SNRPN: variants seen among roughly 807,000 people sequenced by gnomAD.
SNRPN encodes the protein small nuclear ribonucleoprotein-associated protein N.
SNRPN carries 7 observed loss-of-function variants against 25.2 expected under a neutral mutation model. That is an observed-to-expected ratio of 0.28 (90% CI 0.16 to 0.52). The LOEUF is 0.52. SNRPN is among the 20% of genes least tolerant of loss of function. The pLI is 0.96. For synonymous variants in SNRPN, 124 were observed against 110.6 expected (o/e 1.12, Z -0.76); for missense variants, 196 against 322.5 (o/e 0.61, Z 3.00).
intron 1 of SNRPN, among the ~76,000 whole-genome samples, chr15:24,874,290 A>T (rs543448743): frequency 1.3e-4 from 18 of 136,802 alleles, no homozygotes; most frequent in African/African-American, 5.0e-4. Context: ...AGCCTGGGTG[A>T]CAGAGTGAGA....
intron 2 of SNRPN, among the ~76,000 whole-genome samples, chr15:24,915,450 A>T (rs1031865854): frequency 6.6e-6 from 1 of 152,056 alleles, no homozygotes; most frequent in African/African-American, 2.4e-5. Flanking sequence ...TGATAAACAG[A>T]CTTCCTTGTT....
intron 2 of SNRPN, among the ~76,000 whole-genome samples, chr15:24,892,692 G>A (rs1482632362): frequency 6.6e-6 from 1 of 151,784 alleles, no homozygotes; most frequent in Admixed American, 6.6e-5. Context: ...AGCCAAGATA[G>A]CACCACTGTA....
intron 2 of SNRPN, among the ~76,000 whole-genome samples, chr15:24,918,922 AAT>A (rs201107870): frequency 0.18 from 5,592 of 30,298 alleles, 1,858 homozygotes; most frequent in East Asian, 0.52. Flanking sequence ...TATATAACAT[AAT>A]ATATATATGC....
At chr15:24,837,513 C>T (rs901386751) in intron 2 of SNRPN, among the ~76,000 whole-genome samples, 10 of 150,846 alleles carry the variant, frequency 6.6e-5, no homozygotes, top group Non-Finnish European at 1.3e-4. Context: ...GGACTACAGG[C>T]GCCCACCACC....
At chr15:24,937,551 A>G (rs545324306) in intron 3 of SNRPN, among the ~76,000 whole-genome samples, 2 of 152,256 alleles carry the variant, frequency 1.3e-5, no homozygotes, top group East Asian at 1.9e-4. Flanking sequence ...AAAAAATTTC[A>G]TCTTGACTTG....
At chr15:24,946,221 G>A (rs1383892959) in intron 3 of SNRPN, among the ~76,000 whole-genome samples, 1 of 151,940 alleles carries the variant, frequency 6.6e-6, no homozygotes, top group African/African-American at 2.4e-5. Flanking sequence ...TTTCTTTTCT[G>A]GGCATCAGTT....
intron 2 of SNRPN, among the ~76,000 whole-genome samples, chr15:24,835,722 A>G (rs1566808338): frequency 1.3e-5 from 2 of 152,266 alleles, no homozygotes; most frequent in East Asian, 3.9e-4. Flanking sequence ...AACTTTTTAA[A>G]CGTACCATGG....
chr15:24,946,452 C>A (rs1159715243), intron 3 of SNRPN, among the ~76,000 whole-genome samples: 2 of 151,550 alleles, frequency 1.3e-5, no homozygotes, highest in African/African-American at 2.4e-5. Context: ...GTAACTCACA[C>A]GGTTTTTTTG....
At chr15:24,935,446 G>C (rs1227801843) in intron 3 of SNRPN, among the ~76,000 whole-genome samples, 1 of 152,170 alleles carries the variant, frequency 6.6e-6, no homozygotes, top group Admixed American at 6.5e-5. Context: ...GATTCTGTAA[G>C]TTAGGAGGCA....
intron 3 of SNRPN, among the ~76,000 whole-genome samples, chr15:24,923,591 T>C (rs1166896049): frequency 1.3e-5 from 2 of 152,108 alleles, no homozygotes; most frequent in African/African-American, 4.8e-5. Context: ...GGTAAGTAAA[T>C]GGTGGTATAG....
intron 5 of SNRPN, 31 bp downstream of exon 5, chr15:24,975,540 A>G: frequency 1.9e-6 from 3 of 1,597,952 alleles, no homozygotes; most frequent in Non-Finnish European, 2.6e-6. Flanking sequence ...TGGGGGTTGG[A>G]CACAGAGGCA....
At chr15:24,904,012 C>T (rs1462533780) in intron 2 of SNRPN, among the ~76,000 whole-genome samples, 1 of 148,370 alleles carries the variant, frequency 6.7e-6, no homozygotes, top group African/African-American at 2.5e-5. Context: ...GCATTCCAGC[C>T]TGGGCTACAA....
At chr15:24,955,755 A>G (rs12916854) in intron 1 of SNRPN, among the ~76,000 whole-genome samples, 55,679 of 149,602 alleles carry the variant, frequency 0.37, 10,712 homozygotes, top group East Asian at 0.51. Flanking sequence ...GAAGGCGGCG[A>G]CAGTGGGTAT....
rs924743622 is a variant in SNRPN at position 24,905,441 on chromosome 15, G to A, written c.-504-14570G>A. Among the ~76,000 whole-genome samples, 96 of 151,466 alleles carry A rather than the reference G, an allele frequency of 6.3e-4. 1 individual carries two copies. The highest frequency in any genetic ancestry group is 3.5e-4 in the Non-Finnish European group (24 of 67,914). On this transcript the variant is annotated intron_variant, in intron 2 of 11. Transcript: ENST00000400097. ...GGAGAGTCGCTTGAACCCGGGAGGC[G>A]GAGGTGGCAGTGAGCCGAGATCAAG...
intron 1 of SNRPN, among the ~76,000 whole-genome samples, chr15:24,860,570 A>G (rs1183953760): frequency 1.3e-5 from 2 of 152,316 alleles, no homozygotes; most frequent in Non-Finnish European, 2.9e-5. Context: ...TCGAAAATGC[A>G]TTGAATATAC....
chr15:24,865,038 A>G (rs1480928445), intron 1 of SNRPN, among the ~76,000 whole-genome samples: 1 of 144,706 alleles, frequency 6.9e-6, no homozygotes, highest in Non-Finnish European at 1.5e-5. Flanking sequence ...CTTGGTGTGG[A>G]GACTGAGCTT....
chr15:24,935,393 C>A (rs565823085), intron 3 of SNRPN, among the ~76,000 whole-genome samples: 12 of 152,076 alleles, frequency 7.9e-5, no homozygotes, highest in Non-Finnish European at 1.8e-4. Context: ...TCCTGAGAAG[C>A]TTTCTGAAGG....
chr15:24,931,028 C>T lies in SNRPN; in HGVS notation c.-391+10904C>T, dbSNP rs562173626. On this transcript the variant is annotated intron_variant, in intron 3 of 11. Transcript: ENST00000400097. ...TCACACCACTGCACTCCAGCCTGGG[C>T]GACAGAGTGAGACTCTGTCTCAAAA... is the stretch of plus-strand genomic sequence containing the variant. 2.1e-3 allele frequency among the ~76,000 whole-genome samples: 319 copies of T among 152,070 alleles called. 3 individuals carry two copies. The highest frequency in any genetic ancestry group is 1.4e-3 in the Non-Finnish European group (93 of 67,988).
chr15:24,889,611 C>T (rs147570586), intron 2 of SNRPN, among the ~76,000 whole-genome samples: 5 of 152,090 alleles, frequency 3.3e-5, no homozygotes, highest in African/African-American at 7.2e-5. Flanking sequence ...GGCCCTAACA[C>T]GAATTCTTAA....
Sources: gnomAD v4.1 joint callset for allele counts (sites outside exome capture counted in the v4.1 genomes callset) on GRCh38, gnomAD v4.1.1 for gene constraint, MANE v1.5 for transcripts, NCBI Gene and HGNC (gene_info 2026-07-23, HGNC 2026-07-21) for gene names.